Variants in GLCCI1 observed in about 807,000 individuals in gnomAD.
The protein encoded by GLCCI1 is glucocorticoid-induced transcript 1 protein.
In GLCCI1, 24 loss-of-function variants were observed where a neutral mutation model predicts 52.2. The observed-to-expected ratio is 0.46, with a 90% CI of 0.33 to 0.65. The LOEUF (loss-of-function observed/expected upper bound fraction) is 0.65, where lower values mean the gene tolerates loss of function less well. Ranked by LOEUF, GLCCI1 falls within the 30% of genes least tolerant of loss-of-function variation. The pLI is 0.02. For synonymous variants in GLCCI1, 310 were observed against 276.5 expected (o/e 1.12, Z -1.20); for missense variants, 704 against 701.5 (o/e 1.00, Z -0.04).
At chr7:8,043,840 A>G (rs1562439922) in intron 3 of GLCCI1, among the ~76,000 whole-genome samples, 1 of 152,196 alleles carries the variant, frequency 6.6e-6, no homozygotes, top group Non-Finnish European at 1.5e-5. Context: ...ATGAGAGTAC[A>G]TGGGTGAAGA....
chr7:8,029,803 C>T (rs1310100132), intron 3 of GLCCI1, among the ~76,000 whole-genome samples: 3 of 151,880 alleles, frequency 2.0e-5, no homozygotes, highest in African/African-American at 7.2e-5. Flanking sequence ...ATCCCATTTA[C>T]AATAGACACA....
chr7:8,013,895 G>A (rs1036899012), intron 2 of GLCCI1, among the ~76,000 whole-genome samples: 1 of 149,830 alleles, frequency 6.7e-6, no homozygotes, highest in African/African-American at 2.5e-5. Flanking sequence ...CATCCTTTTC[G>A]TTATTTATTT....
intron 3 of GLCCI1, among the ~76,000 whole-genome samples, chr7:8,043,710 A>G (rs1371769697): frequency 6.6e-6 from 1 of 152,168 alleles, no homozygotes; most frequent in Non-Finnish European, 1.5e-5. Context: ...AAATGGATGA[A>G]GTTAATGGAA....
intron 1 of GLCCI1, among the ~76,000 whole-genome samples, chr7:7,973,144 T>C (rs1562411769): frequency 1.3e-5 from 2 of 152,170 alleles, no homozygotes; most frequent in African/African-American, 4.8e-5. Context: ...CGTAAAATCA[T>C]AAAGTATTAT....
At chr7:8,017,947 G>A (rs1418490200) in intron 2 of GLCCI1, among the ~76,000 whole-genome samples, 1 of 152,064 alleles carries the variant, frequency 6.6e-6, no homozygotes, top group Non-Finnish European at 1.5e-5. Flanking sequence ...GTTAAAAATT[G>A]TTTTATTAGT....
chr7:8,011,137 T>A (rs1781255248), intron 2 of GLCCI1, among the ~76,000 whole-genome samples: 1 of 151,472 alleles, frequency 6.6e-6, no homozygotes, highest in Non-Finnish European at 1.5e-5. Flanking sequence ...CAAAAAAAAA[T>A]AATGAAATTT....
chr7:8,007,167 A>G (rs1420585086), intron 2 of GLCCI1, among the ~76,000 whole-genome samples: 7 of 152,076 alleles, frequency 4.6e-5, no homozygotes, highest in Non-Finnish European at 1.0e-4. Context: ...ATCTATCTGG[A>G]TGTAGGTCAT....
intron 2 of GLCCI1, among the ~76,000 whole-genome samples, chr7:8,017,783 T>A (rs1200244673): frequency 6.6e-6 from 1 of 152,204 alleles, no homozygotes; most frequent in African/African-American, 2.4e-5. Context: ...TCTACACTCT[T>A]TGCTAATCAG....
intron 1 of GLCCI1, among the ~76,000 whole-genome samples, chr7:7,973,966 A>G (rs536507684): frequency 1.3e-5 from 2 of 152,196 alleles, no homozygotes; most frequent in South Asian, 2.1e-4. Context: ...TTTTATTCTC[A>G]GGCTATTCTT....
chr7:8,013,295 T>C (rs910838812), intron 2 of GLCCI1, among the ~76,000 whole-genome samples: 3 of 152,190 alleles, frequency 2.0e-5, no homozygotes, highest in African/African-American at 7.2e-5. Flanking sequence ...TGAGGTGATA[T>C]CCAGCTTTAT....
chr7:8,052,873 TTTAAG>T (rs1339056838), intron 3 of GLCCI1, among the ~76,000 whole-genome samples: 18 of 152,300 alleles, frequency 1.2e-4, no homozygotes, highest in African/African-American at 4.1e-4. Flanking sequence ...CCCTTAGTCC[TTTAAG>T]TTAAGATTTC....
At chr7:8,075,311 G>A (rs1183002644) in intron 6 of GLCCI1, among the ~76,000 whole-genome samples, 3 of 152,178 alleles carry the variant, frequency 2.0e-5, no homozygotes, top group Non-Finnish European at 4.4e-5. Flanking sequence ...CCTAAAGACT[G>A]AAGGGAACTT....
chr7:7,997,179 T>A (rs939423720), intron 1 of GLCCI1, among the ~76,000 whole-genome samples: 21 of 152,312 alleles, frequency 1.4e-4, no homozygotes, highest in African/African-American at 5.1e-4. Context: ...CCTTTCCATA[T>A]CTTGTATTCT....
chr7:8,043,938 G>A (rs1424695753), intron 3 of GLCCI1, among the ~76,000 whole-genome samples: 6 of 125,168 alleles, frequency 4.8e-5, no homozygotes, highest in Admixed American at 9.5e-5. Flanking sequence ...TATTGTTGAA[G>A]CACTAAATTT....
At chr7:8,007,771 C>T (rs922182832) in intron 2 of GLCCI1, among the ~76,000 whole-genome samples, 1 of 148,520 alleles carries the variant, frequency 6.7e-6, no homozygotes, top group Non-Finnish European at 1.5e-5. Flanking sequence ...TTTTATATTT[C>T]TGTTTCAACT....
At chr7:7,976,756 A>G (rs1172495197) in intron 1 of GLCCI1, among the ~76,000 whole-genome samples, 3 of 151,546 alleles carry the variant, frequency 2.0e-5, no homozygotes, top group Non-Finnish European at 4.4e-5. Flanking sequence ...TGCGCAAAAT[A>G]TAAAAATTAG....
intron 3 of GLCCI1, chr7:8,024,595 G>C: frequency 6.6e-6 from 1 of 152,176 alleles, no homozygotes; most frequent in East Asian, 1.9e-4. Flanking sequence ...ATATGAAAGA[G>C]TTTTTAATAC....
chr7:8,061,087 C>A (rs1290798737), intron 5 of GLCCI1, among the ~76,000 whole-genome samples: 1 of 150,778 alleles, frequency 6.6e-6, no homozygotes, highest in African/African-American at 2.4e-5. Flanking sequence ...AGCATCTTTT[C>A]ATGTGCTAGT....
intron 4 of GLCCI1, 89 bp from the exon 5 acceptor site, chr7:8,060,007 G>A (rs1236322511): frequency 8.3e-6 from 9 of 1,089,784 alleles, no homozygotes; most frequent in East Asian, 5.3e-5. Flanking sequence ...TCCGTTCATT[G>A]AGTTTCAATT....
Sources: allele counts gnomAD v4.1 joint callset (sites outside exome capture counted in the v4.1 genomes callset), GRCh38; gene constraint gnomAD v4.1.1; transcripts MANE v1.5; gene names NCBI Gene and HGNC (gene_info 2026-07-23, HGNC 2026-07-21).